Variants in PDE1A observed in about 807,000 individuals in gnomAD.
PDE1A encodes the protein phosphodiesterase 1A.
A neutral mutation model predicts 61.7 loss-of-function variants in PDE1A; 35 were observed. The observed-to-expected ratio is 0.57, with a 90% CI of 0.43 to 0.75. PDE1A has a LOEUF of 0.75. PDE1A is among the 30% of genes least tolerant of loss of function. The pLI, the probability that PDE1A is intolerant of heterozygous loss-of-function variation, is 0.00. For missense variants in PDE1A, 597 were observed against 630.6 expected (o/e 0.95, Z 0.57); for synonymous variants, 232 against 213.2 (o/e 1.09, Z -0.77).
chr2:182,320,634 A>G (rs2125983847), intron 1 of PDE1A, among the ~76,000 whole-genome samples: 1 of 152,324 alleles, frequency 6.6e-6, no homozygotes, highest in South Asian at 2.1e-4. Flanking sequence ...TCAGGACTCA[A>G]TACAACCAGC....
chr2:182,243,102 A>G (rs1690682549), intron 2 of PDE1A, among the ~76,000 whole-genome samples: 2 of 152,110 alleles, frequency 1.3e-5, no homozygotes, highest in South Asian at 4.1e-4. Flanking sequence ...CCTATTTCTC[A>G]TGTAAAAATC....
At chr2:182,631,390 T>C in the PDE1A span, among the ~76,000 whole-genome samples, 14 of 152,192 alleles carry the variant, frequency 9.2e-5, no homozygotes, top group Non-Finnish European at 1.8e-4. Flanking sequence ...ACATGTGCCA[T>C]ACTGGTGCAC....
chr2:182,627,382 T>TAATATATAATGTATATTATATTTAATATA, the PDE1A span, among the ~76,000 whole-genome samples: 1 of 121,810 alleles, frequency 8.2e-6, no homozygotes, highest in African/African-American at 3.1e-5. Flanking sequence ...ATTTATTATA[T>TAATATATAATGTATATTATATTTAATATA]AATATATAAT....
intron 1 of PDE1A, among the ~76,000 whole-genome samples, chr2:182,284,864 T>C (rs1160525971): frequency 6.6e-6 from 1 of 152,166 alleles, no homozygotes; most frequent in Admixed American, 6.6e-5. Context: ...ATTGATTTTA[T>C]GAAGTAATTT....
intron 10 of PDE1A, among the ~76,000 whole-genome samples, chr2:182,195,572 G>A (rs1482539088): frequency 6.6e-6 from 1 of 152,064 alleles, no homozygotes; most frequent in Non-Finnish European, 1.5e-5. Context: ...AACTGTAGCT[G>A]AGCACCATGA....
chr2:182,525,421 T>A (rs1048171821), upstream of PDE1A, among the ~76,000 whole-genome samples: 2 of 152,162 alleles, frequency 1.3e-5, no homozygotes, highest in South Asian at 4.1e-4. Context: ...GTTTTCGTAT[T>A]AAGGTTATAT....
At chr2:182,568,596 G>GC in the PDE1A span, among the ~76,000 whole-genome samples, 1 of 150,944 alleles carries the variant, frequency 6.6e-6, no homozygotes, top group Non-Finnish European at 1.5e-5. Context: ...AACCCGGGAG[G>GC]GGAGCTTGCA....
intron 2 of PDE1A, among the ~76,000 whole-genome samples, chr2:182,244,422 G>A (rs1690799194): frequency 6.6e-6 from 1 of 151,166 alleles, no homozygotes; most frequent in Non-Finnish European, 1.5e-5. Context: ...TTTCAGTTAT[G>A]TCTCTTTTAA....
intron 1 of PDE1A, among the ~76,000 whole-genome samples, chr2:182,357,842 G>C (rs976608885): frequency 6.6e-6 from 1 of 152,186 alleles, no homozygotes; most frequent in African/African-American, 2.4e-5. Context: ...GCTCCACTGA[G>C]TTAAGGCACA....
intron 3 of PDE1A, among the ~76,000 whole-genome samples, chr2:182,237,997 G>T (rs1007165899): frequency 6.6e-6 from 1 of 151,994 alleles, no homozygotes; most frequent in Non-Finnish European, 1.5e-5. Flanking sequence ...GGCTGGGCAC[G>T]GTGGCTCACG....
At chr2:182,569,064 G>A in the PDE1A span, among the ~76,000 whole-genome samples, 1 of 151,780 alleles carries the variant, frequency 6.6e-6, no homozygotes, top group Non-Finnish European at 1.5e-5. Flanking sequence ...ACCAGCCTGG[G>A]CAACATGACA....
chr2:182,338,008 G>C (rs371783565), intron 1 of PDE1A, among the ~76,000 whole-genome samples: 12 of 152,160 alleles, frequency 7.9e-5, no homozygotes, highest in East Asian at 5.8e-4. Flanking sequence ...TTTTTTAAAT[G>C]TCCTTCAGCA....
At chr2:182,625,606 A>T in the PDE1A span, among the ~76,000 whole-genome samples, 13 of 152,318 alleles carry the variant, frequency 8.5e-5, no homozygotes, top group Admixed American at 2.6e-4. Flanking sequence ...TGGATACAAG[A>T]CCATCTCACT....
intron 8 of PDE1A, among the ~76,000 whole-genome samples, chr2:182,202,628 T>A (rs1208801110): frequency 6.6e-6 from 1 of 152,106 alleles, no homozygotes; most frequent in Non-Finnish European, 1.5e-5. Context: ...CAAGCTTCCA[T>A]CATAAGAACC....
rs1553535444 is a variant in PDE1A, at chr2:182,201,661, A to AAC, written c.1004+26_1004+27insGT. ...GAACTTTAACATGACAAAAAAAAAA[A>AAC]AACAACAAAAAAAACACAAAACCTA... On this transcript the variant is annotated intron_variant, in intron 9 of 13. Coordinates refer to ENST00000351439, the Ensembl canonical transcript of PDE1A. 31 of 1,555,410 alleles carry AAC rather than the reference A, an allele frequency of 2.0e-5. 1 individual carries two copies. In the Middle Eastern group the frequency reaches 5.2e-4, roughly 26 times the overall value.
intron 2 of PDE1A, among the ~76,000 whole-genome samples, chr2:182,513,722 C>T (rs578005516): frequency 8.5e-5 from 13 of 152,252 alleles, no homozygotes; most frequent in African/African-American, 3.1e-4. Context: ...GTGATGACAA[C>T]CATAGGCTCA....
the PDE1A span, among the ~76,000 whole-genome samples, chr2:182,598,977 A>G: frequency 6.6e-6 from 1 of 152,150 alleles, no homozygotes; most frequent in Non-Finnish European, 1.5e-5. Flanking sequence ...AGACAGCACA[A>G]CCGCTGCCAT....
intron 13 of PDE1A, among the ~76,000 whole-genome samples, chr2:182,158,376 A>G (rs1409492064): frequency 6.6e-6 from 1 of 152,214 alleles, no homozygotes; most frequent in Non-Finnish European, 1.5e-5. Context: ...GTGTTTTGTT[A>G]TCTCTACATC....
chr2:182,209,274 G>A (rs999962795), intron 7 of PDE1A, among the ~76,000 whole-genome samples: 6 of 151,996 alleles, frequency 3.9e-5, no homozygotes, highest in Non-Finnish European at 5.9e-5. Context: ...AAGTGAAACA[G>A]ATTTCCCCTT....
Sources: gnomAD v4.1 joint callset for allele counts (sites outside exome capture counted in the v4.1 genomes callset) on GRCh38, gnomAD v4.1.1 for gene constraint, MANE v1.5 for transcripts, NCBI Gene and HGNC (gene_info 2026-07-23, HGNC 2026-07-21) for gene names.